LRP1B: variants seen among roughly 807,000 people sequenced by gnomAD.
LRP1B encodes the protein low-density lipoprotein receptor-related protein 1B.
Under a neutral mutation model 556.6 loss-of-function variants are expected in LRP1B, and 217 were observed. The ratio of observed to expected loss-of-function variants is 0.39; its 90% CI spans 0.35 to 0.44. LRP1B has a LOEUF of 0.44. Ranked by LOEUF, LRP1B falls within the 20% of genes least tolerant of loss-of-function variation. LRP1B has a pLI of 1.00. For synonymous variants in LRP1B, 2,047 were observed against 1,865.8 expected, an observed-to-expected ratio of 1.10 and a Z score of -2.50; for missense variants, 5,053 against 5,620.8, an observed-to-expected ratio of 0.90 and a Z score of 3.23.
At chr2:141,407,117 T>C (rs916450438) in intron 3 of LRP1B, among the ~76,000 whole-genome samples, 1 of 120,940 alleles carries the variant, frequency 8.3e-6, no homozygotes, top group Admixed American at 9.4e-5. Context: ...CACATACTTT[T>C]TGGGCTGTCA....
chr2:141,665,779 A>T (rs989376992), intron 2 of LRP1B, among the ~76,000 whole-genome samples: 5 of 152,188 alleles, frequency 3.3e-5, no homozygotes, highest in Admixed American at 2.0e-4. Flanking sequence ...CTTTTCAGGG[A>T]CATAAATGGA....
At chr2:141,945,582 AATTT>A (rs1700930068) in intron 1 of LRP1B, among the ~76,000 whole-genome samples, 1 of 151,746 alleles carries the variant, frequency 6.6e-6, no homozygotes, top group Non-Finnish European at 1.5e-5. Context: ...AAATTATTGA[AATTT>A]ATTGATAGAA....
intron 2 of LRP1B, among the ~76,000 whole-genome samples, chr2:141,731,322 G>A (rs1367920115): frequency 6.6e-6 from 1 of 152,076 alleles, no homozygotes; most frequent in African/African-American, 2.4e-5. Context: ...AAGGCTCAGA[G>A]ACACATTTGC....
At chr2:142,020,784 G>T (rs886286580) in intron 1 of LRP1B, among the ~76,000 whole-genome samples, 3 of 152,072 alleles carry the variant, frequency 2.0e-5, no homozygotes, top group African/African-American at 7.2e-5. Context: ...AATTAGAATT[G>T]GATTAGAATC....
At chr2:141,000,347 A>G (rs774982769) in intron 15 of LRP1B, among the ~76,000 whole-genome samples, 2 of 152,220 alleles carry the variant, frequency 1.3e-5, no homozygotes, top group Admixed American at 6.6e-5. Context: ...ATCAAAAGGT[A>G]CGATGTAACT....
At chr2:141,809,324 G>A (rs1696262181) in intron 2 of LRP1B, among the ~76,000 whole-genome samples, 1 of 152,044 alleles carries the variant, frequency 6.6e-6, no homozygotes, top group Non-Finnish European at 1.5e-5. Flanking sequence ...GATGAAAATG[G>A]AAAATGAAAC....
chr2:141,433,881 C>T (rs919679062), intron 3 of LRP1B, among the ~76,000 whole-genome samples: 2 of 149,888 alleles, frequency 1.3e-5, no homozygotes, highest in African/African-American at 2.5e-5. Context: ...TCACCTTCTG[C>T]TATTCTCAGT....
chr2:141,203,856 T>A (rs1486144935), intron 6 of LRP1B, among the ~76,000 whole-genome samples: 1 of 152,122 alleles, frequency 6.6e-6, no homozygotes, highest in Non-Finnish European at 1.5e-5. Context: ...GCAATCAAAT[T>A]AGAACTCAGC....
At chr2:140,435,981 T>A (rs2105291174) in intron 66 of LRP1B, among the ~76,000 whole-genome samples, 1 of 151,856 alleles carries the variant, frequency 6.6e-6, no homozygotes, top group Non-Finnish European at 1.5e-5. Flanking sequence ...TTTCTCTCTC[T>A]CTCTCTCTCA....
At chr2:140,742,255 C>T (rs987143753) in intron 35 of LRP1B, among the ~76,000 whole-genome samples, 3 of 152,066 alleles carry the variant, frequency 2.0e-5, no homozygotes, top group East Asian at 1.9e-4. Context: ...AACTGAGTGT[C>T]GAAAGGGATT....
intron 3 of LRP1B, among the ~76,000 whole-genome samples, chr2:141,404,723 T>C (rs1457473887): frequency 1.3e-5 from 2 of 152,208 alleles, no homozygotes; most frequent in Non-Finnish European, 2.9e-5. Context: ...ATACTGGTAC[T>C]GCCATAGCAA....
At chr2:141,342,176 G>A (rs556250159) in intron 3 of LRP1B, among the ~76,000 whole-genome samples, 17 of 150,366 alleles carry the variant, frequency 1.1e-4, no homozygotes, top group African/African-American at 3.9e-4. Context: ...CTTGGGAGGT[G>A]GAGGTTGCAG....
intron 41 of LRP1B, among the ~76,000 whole-genome samples, chr2:140,618,915 C>T (rs891096187): frequency 3.9e-5 from 6 of 151,944 alleles, no homozygotes; most frequent in African/African-American, 1.2e-4. Flanking sequence ...ATTTTTTGTT[C>T]GTAAAATGGG....
chr2:140,574,163 T>C (rs12473192), intron 43 of LRP1B, among the ~76,000 whole-genome samples: 63,572 of 151,904 alleles, frequency 0.42, 13,577 homozygotes, highest in Middle Eastern at 0.57. Context: ...AACATTCAAG[T>C]ATTCCATGAA....
intron 11 of LRP1B, among the ~76,000 whole-genome samples, chr2:141,028,600 A>T (rs2105410026): frequency 6.6e-6 from 1 of 152,258 alleles, no homozygotes; most frequent in East Asian, 1.9e-4. Flanking sequence ...TTCAGTAAAA[A>T]CCAAAATGAC....
chr2:141,966,999 A>C (rs995569988), intron 1 of LRP1B, among the ~76,000 whole-genome samples: 4 of 151,258 alleles, frequency 2.6e-5, no homozygotes, highest in African/African-American at 9.7e-5. Context: ...AATCATTCCC[A>C]TTTTCTCTAT....
intron 33 of LRP1B, among the ~76,000 whole-genome samples, chr2:140,774,348 T>A (rs949331036): frequency 6.6e-6 from 1 of 152,108 alleles, no homozygotes; most frequent in African/African-American, 2.4e-5. Context: ...ACCTATAGAA[T>A]CAAATCTTTA....
At chr2:141,427,844 A>C (rs993930708) in intron 3 of LRP1B, among the ~76,000 whole-genome samples, 3 of 152,210 alleles carry the variant, frequency 2.0e-5, no homozygotes, top group African/African-American at 7.2e-5. Flanking sequence ...ATAAAGCTAT[A>C]AAATGCTTTC....
At chr2:141,695,184 G>A (rs369563221) in intron 2 of LRP1B, among the ~76,000 whole-genome samples, 50 of 151,870 alleles carry the variant, frequency 3.3e-4, no homozygotes, top group African/African-American at 1.1e-3. Flanking sequence ...TGTATTTACC[G>A]TTTTTCCTGC....
Sources: gnomAD v4.1 joint callset for allele counts (sites outside exome capture counted in the v4.1 genomes callset) on GRCh38, gnomAD v4.1.1 for gene constraint, MANE v1.5 for transcripts, NCBI Gene and HGNC (gene_info 2026-07-23, HGNC 2026-07-21) for gene names.